PTPRM: variants seen among roughly 807,000 people sequenced by gnomAD.
PTPRM encodes the protein receptor-type tyrosine-protein phosphatase mu.
PTPRM carries 47 observed loss-of-function variants against 186.7 expected under a neutral mutation model. The observed-to-expected ratio is 0.25, with a 90% CI of 0.20 to 0.32. PTPRM has a LOEUF of 0.32. PTPRM is among the 10% of genes least tolerant of loss of function. The pLI is 1.00. For synonymous variants in PTPRM, 668 were observed against 674.9 expected (o/e 0.99, Z 0.16); for missense variants, 1,494 against 1,865.0 (o/e 0.80, Z 3.66).
At chr18:8,154,691 TAA>T (rs927098939) in intron 14 of PTPRM, 12 of 152,366 alleles carry the variant, frequency 7.9e-5, no homozygotes, top group African/African-American at 2.9e-4. Flanking sequence ...ACAGAAAATG[TAA>T]AGTCTGTTCA....
chr18:7,671,943 A>G (rs1032277813), intron 1 of PTPRM, among the ~76,000 whole-genome samples: 15 of 152,328 alleles, frequency 9.8e-5, no homozygotes, highest in Non-Finnish European at 1.9e-4. Context: ...TAGAATCAAC[A>G]TTTATTAACT....
rs1012818517 is a variant in PTPRM, at chr18:8,394,803, G to T, written c.4344+192G>T. On this transcript the variant is annotated intron_variant, in intron 32 of 32. Coordinates refer to ENST00000580170, the MANE Select transcript of PTPRM (RefSeq NM_001105244.2). Reference sequence around the variant, plus strand: ...CTCTTCCTCTCTTTGTTCTTCACACGGAGACTTTGTCTCCAGCTCATTCGA... The same window carrying T: ...CTCTTCCTCTCTTTGTTCTTCACACTGAGACTTTGTCTCCAGCTCATTCGA... Among the ~76,000 whole-genome samples the T allele has an allele frequency of 6.6e-5, 10 of 151,952 alleles. No homozygotes were observed. In the South Asian group the frequency reaches 2.1e-3, roughly 32 times the overall value.
chr18:7,845,412 G>A (rs1046722560), intron 2 of PTPRM, among the ~76,000 whole-genome samples: 8 of 152,064 alleles, frequency 5.3e-5, no homozygotes, highest in African/African-American at 1.4e-4. Context: ...TGTGTGTTCA[G>A]TCACTTTTTT....
At position 7,940,866 on chromosome 18, in the gene PTPRM, AG is replaced by A. The variant is rs528632039; in HGVS notation, c.664-8313del. On this transcript the variant is annotated intron_variant, in intron 5 of 32. Transcript: ENST00000580170. ...TTTCCTCCTTAAAGTCAATATTCCT[AG>A]GTTTGGATGCAGAAATGTCAAAACC... Among the ~76,000 whole-genome samples the A allele has an allele frequency of 8.1e-3, 1,237 of 152,060 alleles. 7 individuals are homozygous for A. Among genetic ancestry groups the A allele is most frequent in the South Asian group, 0.033 (157 of 4,816 alleles).
At chr18:8,048,759 A>G (rs1410029935) in intron 7 of PTPRM, among the ~76,000 whole-genome samples, 1 of 152,194 alleles carries the variant, frequency 6.6e-6, no homozygotes. Context: ...AGGAGGCTCT[A>G]AACAGGTAAA....
chr18:7,656,710 T>C (rs2144337263), intron 1 of PTPRM, among the ~76,000 whole-genome samples: 1 of 152,256 alleles, frequency 6.6e-6, no homozygotes, highest in South Asian at 2.1e-4. Flanking sequence ...ATATGTGACG[T>C]GCATTTGACA....
chr18:8,340,390 C>T (rs1352640875), intron 22 of PTPRM, among the ~76,000 whole-genome samples: 11 of 145,714 alleles, frequency 7.5e-5, no homozygotes, highest in African/African-American at 2.4e-4. Flanking sequence ...TTTTTGTATC[C>T]TAATCTTTTT....
chr18:8,191,199 C>G (rs766331827), intron 14 of PTPRM, among the ~76,000 whole-genome samples: 4 of 152,184 alleles, frequency 2.6e-5, no homozygotes, highest in African/African-American at 4.8e-5. Flanking sequence ...GGATACTCAC[C>G]CTGAGCCACC....
At chr18:8,189,615 A>G in intron 14 of PTPRM, among the ~76,000 whole-genome samples, 1 of 152,142 alleles carries the variant, frequency 6.6e-6, no homozygotes, top group Non-Finnish European at 1.5e-5. Flanking sequence ...TGGGCTCTTT[A>G]TTCGTTTATT....
chr18:7,702,138 G>A (rs146240516), intron 1 of PTPRM, among the ~76,000 whole-genome samples: 1,607 of 151,828 alleles, frequency 0.011, 26 homozygotes, highest in African/African-American at 0.037. Flanking sequence ...TTGCTATTGT[G>A]AACAGTAAAC....
At chr18:8,131,457 G>A (rs1027573582) in intron 13 of PTPRM, among the ~76,000 whole-genome samples, 6 of 152,162 alleles carry the variant, frequency 3.9e-5, no homozygotes, top group African/African-American at 1.4e-4. Flanking sequence ...TTTATTTCAA[G>A]CAGTAATAGC....
chr18:7,899,766 T>G lies in PTPRM; in HGVS notation c.469-6739T>G, dbSNP rs368118607. On this transcript the variant is annotated intron_variant, in intron 3 of 32. Coordinates refer to ENST00000580170, the MANE Select transcript of PTPRM (RefSeq NM_001105244.2). ...GTCTTTATAGAAGATTTTTGACTTC[T>G]AAATGAGTTAGGTTTTATTTTATTT... Among the ~76,000 whole-genome samples the G allele has an allele frequency of 1.1e-4, 16 of 152,366 alleles. No individual in the cohort carries two copies. The East Asian group carries it at 2.1e-3, about 20-fold the overall frequency.
chr18:8,343,374 G>A, intron 22 of PTPRM, 49 bp from the exon 23 acceptor site: 2 of 1,567,388 alleles, frequency 1.3e-6, no homozygotes, highest in Non-Finnish European at 1.8e-6. Flanking sequence ...AAATTTTCCA[G>A]TTGAAACTTA....
intron 1 of PTPRM, among the ~76,000 whole-genome samples, chr18:7,597,641 T>C (rs1371521357): frequency 6.6e-6 from 1 of 151,214 alleles, no homozygotes; most frequent in Non-Finnish European, 1.5e-5. Flanking sequence ...TGTATTGCAC[T>C]CATCTACACT....
chr18:7,742,396 G>A (rs1437118173), intron 1 of PTPRM, among the ~76,000 whole-genome samples: 1 of 152,118 alleles, frequency 6.6e-6, no homozygotes, highest in Non-Finnish European at 1.5e-5. Flanking sequence ...AATAGTTGAT[G>A]CACTGGATTT....
intron 2 of PTPRM, among the ~76,000 whole-genome samples, chr18:7,801,553 C>T (rs1259196138): frequency 2.0e-5 from 3 of 152,150 alleles, no homozygotes; most frequent in Non-Finnish European, 2.9e-5. Flanking sequence ...AAGGAGTACA[C>T]TCTAAAATAA....
At position 7,917,758 on chromosome 18, in the gene PTPRM, C is replaced by A. The variant is rs529934868; in HGVS notation, c.548-8810C>A. On this transcript the variant is annotated intron_variant, in intron 4 of 32. Coordinates refer to ENST00000580170, the MANE Select transcript of PTPRM (RefSeq NM_001105244.2). ...TGCAAACTGTGGTCACCCTGTTGAT[C>A]TTCAAGCACTAAGTTTTATTTCTAA... Among the ~76,000 whole-genome samples, 67 of 147,498 alleles carry A rather than the reference C, an allele frequency of 4.5e-4. No homozygotes were observed. In the South Asian group the frequency reaches 0.014, roughly 32 times the overall value.
At chr18:8,035,253 G>C (rs1300885214) in intron 7 of PTPRM, among the ~76,000 whole-genome samples, 1 of 152,108 alleles carries the variant, frequency 6.6e-6, no homozygotes, top group Non-Finnish European at 1.5e-5. Flanking sequence ...AATTTGGCTT[G>C]GAAATTTCAG....
chr18:8,339,494 G>C lies in PTPRM; in HGVS notation c.2957-3929G>C, dbSNP rs1277251375. Among the ~76,000 whole-genome samples the C allele has an allele frequency of 2.0e-5, 3 of 152,244 alleles. No homozygotes were observed. The East Asian group carries it at 5.8e-4, about 29-fold the overall frequency. On this transcript the variant is annotated intron_variant, in intron 22 of 32. Coordinates refer to ENST00000580170, the MANE Select transcript of PTPRM (RefSeq NM_001105244.2). ...AATGCCCTGTCTTGCAAACACATCT[G>C]TTCACACCTTGAGAGAGGGAGGCTT...
Sources: allele counts gnomAD v4.1 joint callset (sites outside exome capture counted in the v4.1 genomes callset), GRCh38; gene constraint gnomAD v4.1.1; transcripts MANE v1.5; gene names NCBI Gene and HGNC (gene_info 2026-07-23, HGNC 2026-07-21).